The following GSDMC variants were observed in gnomAD, a reference collection of about 807,000 sequenced individuals.
GSDMC encodes gasdermin C, also known as gasdermin-C.
In GSDMC, 59 loss-of-function variants were observed where a neutral mutation model predicts 58.0. The ratio of observed to expected loss-of-function variants is 1.02; its 90% confidence interval spans 0.82 to 1.26. The LOEUF (loss-of-function observed/expected upper bound fraction) is 1.26. Among genes scored for constraint, GSDMC ranks in the 50% most tolerant of loss-of-function variants. The probability of loss-of-function intolerance (pLI) is 0.00; values close to 1 mark genes in which losing one functional copy is unlikely to be tolerated. For synonymous variants in GSDMC, 241 were observed against 220.2 expected (o/e 1.09, Z -0.83); for missense variants, 659 against 598.5 (o/e 1.10, Z -1.06).
the GSDMC span, among the ~76,000 whole-genome samples, chr8:129,741,860 A>G: frequency 1.3e-5 from 2 of 150,818 alleles, no homozygotes; most frequent in Non-Finnish European, 3.0e-5. Context: ...TATTATTTAC[A>G]ATAGATGAAA....
chr8:129,737,759 C>T, the GSDMC span, among the ~76,000 whole-genome samples: 12 of 152,168 alleles, frequency 7.9e-5, no homozygotes, highest in Non-Finnish European at 1.5e-4. Context: ...TGGGCAAGAA[C>T]TTCATGACTA....
Position 129,749,515 on chromosome 8 carries a change from G to A in GSDMC, c.1224C>T (p.Asp408=), listed in dbSNP as rs755118406. 34 of 1,613,322 alleles carry A rather than the reference G, an allele frequency of 2.1e-5. No homozygotes were observed. Among genetic ancestry groups the A allele is most frequent in the Non-Finnish European group, 2.7e-5 (32 of 1,179,418 alleles). Residue 408 remains aspartate (D), a synonymous_variant, in exon 13 of 14, where the codon GAC becomes GAT. Coordinates refer to ENST00000276708, the MANE Select transcript of GSDMC (RefSeq NM_031415.3). The part of the protein sequence containing the change: ...YLLEAIMVLS[D]FQHDLLACSM... ...AACAGGCCAGCAAATCGTGTTGGAA[G>A]TCACTCAGCACTGAGGGTGGGGGAC... is the stretch of plus-strand genomic sequence containing the variant.
At chr8:129,708,697 C>A in the GSDMC span, among the ~76,000 whole-genome samples, 3 of 152,214 alleles carry the variant, frequency 2.0e-5, no homozygotes, top group Non-Finnish European at 4.4e-5. Context: ...AGGACAGGGC[C>A]CACTCCTGGA....
intron 4 of GSDMC, among the ~76,000 whole-genome samples, chr8:129,764,322 G>T (rs746195955): frequency 6.6e-6 from 1 of 152,028 alleles, no homozygotes; most frequent in African/African-American, 2.4e-5. Context: ...AGTGGTTGGG[G>T]TTTTTTTAGT....
chr8:129,754,085 C>T (rs1025794791), intron 6 of GSDMC, among the ~76,000 whole-genome samples: 10 of 152,218 alleles, frequency 6.6e-5, no homozygotes, highest in Non-Finnish European at 1.0e-4. Context: ...ACTGCTCTGA[C>T]GGGAAGTGAA....
the GSDMC span, among the ~76,000 whole-genome samples, chr8:129,719,870 A>G: frequency 1.3e-5 from 2 of 152,174 alleles, no homozygotes; most frequent in African/African-American, 4.8e-5. Flanking sequence ...TCTTGAAATC[A>G]GGAGGCAGAG....
At chr8:129,720,530 A>G in the GSDMC span, among the ~76,000 whole-genome samples, 1 of 152,212 alleles carries the variant, frequency 6.6e-6, no homozygotes, top group African/African-American at 2.4e-5. Flanking sequence ...TTCCACATAC[A>G]TAAAATATTA....
the GSDMC span, chr8:129,729,802 G>A: frequency 1.6e-6 from 1 of 644,934 alleles, no homozygotes; most frequent in Non-Finnish European, 2.8e-6. Flanking sequence ...AAGGAGGTGT[G>A]CACAGAGTAC....
chr8:129,732,302 A>T, the GSDMC span, among the ~76,000 whole-genome samples: 1 of 151,758 alleles, frequency 6.6e-6, no homozygotes, highest in African/African-American at 2.4e-5. Context: ...AAAAAAAAAA[A>T]ACTTGCTGAA....
the GSDMC span, among the ~76,000 whole-genome samples, chr8:129,731,581 G>A: frequency 6.6e-6 from 1 of 152,208 alleles, no homozygotes; most frequent in Non-Finnish European, 1.5e-5. Flanking sequence ...TGATGGTGCG[G>A]GTCCAGTCCA....
the GSDMC span, among the ~76,000 whole-genome samples, chr8:129,741,740 A>G: frequency 2.6e-5 from 4 of 152,034 alleles, no homozygotes; most frequent in Non-Finnish European, 5.9e-5. Flanking sequence ...TCAAAAAACT[A>G]AAAGCAACAG....
intron 3 of GSDMC, among the ~76,000 whole-genome samples, chr8:129,772,255 C>T (rs1368837461): frequency 2.5e-4 from 27 of 106,418 alleles, no homozygotes; most frequent in African/African-American, 9.2e-4. Context: ...AGCGAGACTC[C>T]GTCTCAAAAA....
At chr8:129,777,289 A>G (rs374780676) in intron 2 of GSDMC, 79 bp downstream of exon 2, 1 of 851,202 alleles carries the variant, frequency 1.2e-6, no homozygotes. Context: ...GTGCTCAGTT[A>G]TCTTTGGATG....
rs763132646 is a variant in GSDMC at position 129,750,435 on chromosome 8, T to C, written c.1079A>G (p.Asn360Ser). The C allele has an allele frequency of 6.2e-7, 1 of 1,613,386 alleles. No homozygotes were observed. The highest frequency in any genetic ancestry group is 1.1e-5 in the South Asian group (1 of 90,944). The change falls in exon 11 of 14, where the codon AAC becomes AGC. Residue 360 changes from asparagine (N) to serine (S), a missense_variant. Asn to Ser is a conservative substitution (Grantham distance 46). Coordinates refer to ENST00000276708, the MANE Select transcript of GSDMC (RefSeq NM_031415.3). ...TGCAACTGTGGAGCCCCTCACCATG[T>C]TCATCAGGTCCTGTAGAGCCCCTCT... is the stretch of plus-strand genomic sequence containing the variant. ...RDRGALQDLM[N>S]MLELDSSGHL...
chr8:129,752,925 T>G, intron 6 of GSDMC, 105 bp from the exon 7 acceptor site: 1 of 1,545,914 alleles, frequency 6.5e-7, no homozygotes, highest in Non-Finnish European at 8.8e-7. Flanking sequence ...TCAGTGCCAG[T>G]GCACGAAGGG....
At chr8:129,750,652 C>A in intron 10 of GSDMC, 82 bp from the exon 11 acceptor site, 1 of 1,387,838 alleles carries the variant, frequency 7.2e-7, no homozygotes, top group Non-Finnish European at 1.0e-6. Flanking sequence ...CCTGTTTGCA[C>A]GAATATGAAC....
the GSDMC span, among the ~76,000 whole-genome samples, chr8:129,719,459 TCAAA>T: frequency 2.0e-5 from 3 of 152,312 alleles, no homozygotes; most frequent in South Asian, 6.2e-4. Flanking sequence ...CAGTAATTAA[TCAAA>T]CAAATTGACA....
chr8:129,752,965 A>G (rs998077022), intron 6 of GSDMC, 145 bp from the exon 7 acceptor site: 33 of 1,375,450 alleles, frequency 2.4e-5, no homozygotes, highest in Non-Finnish European at 3.1e-5. Flanking sequence ...CTCAAAGAGG[A>G]ATTGCCCATT....
chr8:129,711,717 C>T, the GSDMC span, among the ~76,000 whole-genome samples: 6 of 152,212 alleles, frequency 3.9e-5, no homozygotes, highest in Admixed American at 3.3e-4. Context: ...GGGCAAGTTA[C>T]TTGACATCTC....
Sources: allele counts gnomAD v4.1 joint callset (sites outside exome capture counted in the v4.1 genomes callset), GRCh38; gene constraint gnomAD v4.1.1; transcripts MANE v1.5; gene names NCBI Gene and HGNC (gene_info 2026-07-23, HGNC 2026-07-21).